The following ITGA2 variants were observed in gnomAD, a reference collection of about 807,000 sequenced individuals.
ITGA2 encodes the protein integrin alpha-2.
In ITGA2, 101 loss-of-function variants were observed where a neutral mutation model predicts 146.3. The observed-to-expected ratio is 0.69, with a 90% CI of 0.59 to 0.81. ITGA2 has a LOEUF of 0.81. ITGA2 is among the 40% of genes least tolerant of loss of function. The pLI is 0.00. For synonymous variants in ITGA2, 477 were observed against 487.1 expected (o/e 0.98, Z 0.27); for missense variants, 1,281 against 1,402.7 (o/e 0.91, Z 1.39).
At position 53,067,223 on chromosome 5, in the gene ITGA2, A is replaced by G. The variant is rs1237055674; in HGVS notation, c.2049A>G (p.Ala683=). The change falls in exon 16 of 30, where the codon GCA becomes GCG. Residue 683 remains alanine, a synonymous_variant. Coordinates refer to ENST00000296585, the MANE Select transcript of ITGA2 (RefSeq NM_002203.4). The stretch of plus-strand genomic sequence containing the variant: ...TAATTCTCAAACTCTGCTTCAGTGC[A>G]AAGTTCAGACCTACTAAGCAAAACA... ...AQIILKLCFS[A]KFRPTKQNNQ... 3 of 1,611,756 alleles carry G rather than the reference A, an allele frequency of 1.9e-6. No individual in the cohort carries two copies. The highest frequency in any genetic ancestry group is 1.7e-6 in the Non-Finnish European group (2 of 1,178,724).
chr5:53,088,409 G>C (rs1033886427), intron 28 of ITGA2, among the ~76,000 whole-genome samples: 2 of 152,032 alleles, frequency 1.3e-5, no homozygotes, highest in Non-Finnish European at 2.9e-5. Flanking sequence ...AGAAAGGCTG[G>C]GCACAGTGGC....
chr5:53,021,356 G>C (rs771357075), intron 1 of ITGA2, among the ~76,000 whole-genome samples: 1 of 152,116 alleles, frequency 6.6e-6, no homozygotes. Flanking sequence ...CTAAGACTGA[G>C]AGATGACATA....
intron 2 of ITGA2, among the ~76,000 whole-genome samples, chr5:53,038,697 C>T (rs974063392): frequency 1.3e-5 from 2 of 152,168 alleles, no homozygotes; most frequent in East Asian, 1.9e-4. Context: ...CCTGGGCTTC[C>T]GCACTTGGTT....
Position 53,022,781 on chromosome 5 carries a change from G to A in ITGA2, c.65-3967G>A, listed in dbSNP as rs559284367. Among the ~76,000 whole-genome samples the A allele has an allele frequency of 4.1e-4, 62 of 152,258 alleles. No individual in the cohort carries two copies. In the South Asian group the frequency reaches 0.013, roughly 31 times the overall value. On this transcript the variant is annotated intron_variant, in intron 1 of 29. Transcript: ENST00000296585. ...AGGTCTCATTGTGCTGCCAAGGACG[G>A]TCTTGCACTCCTGGATTCAAGCTAT...
intron 6 of ITGA2, among the ~76,000 whole-genome samples, chr5:53,049,114 C>A (rs1032060258): frequency 7.2e-5 from 11 of 151,868 alleles, no homozygotes; most frequent in African/African-American, 2.2e-4. Context: ...TGGGTTCAAG[C>A]GATTCTTTTG....
chr5:53,024,318 C>T (rs935712764), intron 1 of ITGA2, among the ~76,000 whole-genome samples: 1 of 152,100 alleles, frequency 6.6e-6, no homozygotes, highest in East Asian at 1.9e-4. Flanking sequence ...AGGAAAAATA[C>T]TGGAAGGAAA....
In ITGA2 at chr5:53,048,494, C is replaced by T. The variant is rs1472431452; in HGVS notation, c.502+17C>T. Reference sequence around the variant, plus strand: ...CAACTCAGCGTAAGTTATTAATGTGCAGATGGTCTGAGCAATGCCTTACAG... The same window carrying T: ...CAACTCAGCGTAAGTTATTAATGTGTAGATGGTCTGAGCAATGCCTTACAG... On this transcript the variant is annotated intron_variant, in intron 5 of 29. Transcript: ENST00000296585. 1 of 1,611,814 alleles carries T rather than the reference C, an allele frequency of 6.2e-7. No individual in the cohort carries two copies. The highest frequency in any genetic ancestry group is 1.1e-5 in the South Asian group (1 of 91,046).
chr5:53,035,680 A>G (rs1216419462), intron 2 of ITGA2, among the ~76,000 whole-genome samples: 4 of 152,164 alleles, frequency 2.6e-5, no homozygotes, highest in African/African-American at 9.7e-5. Flanking sequence ...TCACGGGTGA[A>G]TTCTTTCCAT....
At chr5:53,018,149 C>T (rs951886911) in intron 1 of ITGA2, among the ~76,000 whole-genome samples, 3 of 152,140 alleles carry the variant, frequency 2.0e-5, no homozygotes, top group East Asian at 1.9e-4. Flanking sequence ...CCCCATCCCA[C>T]GGGCAAGACT....
chr5:53,046,082 T>G (rs1156961804), intron 4 of ITGA2, among the ~76,000 whole-genome samples: 1 of 149,628 alleles, frequency 6.7e-6, no homozygotes, highest in African/African-American at 2.5e-5. Flanking sequence ...TCCCAGCTAC[T>G]CGGGAGGCTG....
chr5:53,005,643 G>A (rs929530314), intron 1 of ITGA2, among the ~76,000 whole-genome samples: 1 of 150,378 alleles, frequency 6.6e-6, no homozygotes, highest in Non-Finnish European at 1.5e-5. Flanking sequence ...AATTTCTCAA[G>A]AAGTGTGCCC....
chr5:52,994,055 G>C (rs1451527477), intron 1 of ITGA2, among the ~76,000 whole-genome samples: 1 of 152,190 alleles, frequency 6.6e-6, no homozygotes, highest in Non-Finnish European at 1.5e-5. Context: ...AATAGACTCT[G>C]TGTATGACAG....
intron 2 of ITGA2, among the ~76,000 whole-genome samples, chr5:53,031,699 C>T (rs1312386411): frequency 6.6e-6 from 1 of 152,150 alleles, no homozygotes; most frequent in Admixed American, 6.5e-5. Flanking sequence ...TTTTAACAGT[C>T]TCAAGTGAGC....
chr5:53,089,833 G>A, intron 28 of ITGA2, 113 bp from the exon 29 acceptor site: 1 of 768,056 alleles, frequency 1.3e-6, no homozygotes, highest in Admixed American at 1.8e-5. Flanking sequence ...AGCAAGTCTT[G>A]TCACCTTTCT....
chr5:53,060,839 C>A, intron 11 of ITGA2, 62 bp from the exon 12 acceptor site: 2 of 1,526,284 alleles, frequency 1.3e-6, no homozygotes, highest in East Asian at 2.3e-5. Context: ...TTACTCACTT[C>A]TTTTAACTTT....
At chr5:53,014,780 A>G (rs1427041691) in intron 1 of ITGA2, among the ~76,000 whole-genome samples, 1 of 151,938 alleles carries the variant, frequency 6.6e-6, no homozygotes, top group Non-Finnish European at 1.5e-5. Context: ...TTCAAAATGC[A>G]TTATTGGTTT....
At chr5:52,989,913 A>C (rs1215497853) in intron 1 of ITGA2, among the ~76,000 whole-genome samples, 1 of 151,326 alleles carries the variant, frequency 6.6e-6, no homozygotes, top group South Asian at 2.1e-4. Flanking sequence ...CCTGCAGCCC[A>C]ACTTCCCCTG....
intron 15 of ITGA2, among the ~76,000 whole-genome samples, chr5:53,066,674 C>T (rs1298512277): frequency 6.6e-6 from 1 of 151,818 alleles, no homozygotes; most frequent in African/African-American, 2.4e-5. Context: ...TTTAATGATA[C>T]TATTTACAAA....
At chr5:53,011,511 A>G (rs1408876707) in intron 1 of ITGA2, among the ~76,000 whole-genome samples, 1 of 152,080 alleles carries the variant, frequency 6.6e-6, no homozygotes, top group Non-Finnish European at 1.5e-5. Flanking sequence ...CCTCCCTCAA[A>G]GTCCTATTCA....
Sources: gnomAD v4.1 joint callset for allele counts (sites outside exome capture counted in the v4.1 genomes callset) on GRCh38, gnomAD v4.1.1 for gene constraint, MANE v1.5 for transcripts, NCBI Gene and HGNC (gene_info 2026-07-23, HGNC 2026-07-21) for gene names.